TRIM37: variants seen among roughly 807,000 people sequenced by gnomAD.
The protein encoded by TRIM37 is E3 ubiquitin-protein ligase TRIM37.
A neutral mutation model predicts 129.8 loss-of-function variants in TRIM37; 80 were observed. That is an observed-to-expected ratio of 0.62 (90% CI 0.51 to 0.74). The LOEUF (loss-of-function observed/expected upper bound fraction) is 0.74. Ranked by LOEUF, TRIM37 falls within the 30% of genes least tolerant of loss-of-function variation. The pLI is 0.00. For synonymous variants in TRIM37, 389 were observed against 387.1 expected (o/e 1.00, Z -0.06); for missense variants, 1,054 against 1,176.5 (o/e 0.90, Z 1.52).
intron 2 of TRIM37, 118 bp from the exon 3 acceptor site, chr17:59,091,458 A>C (rs893843441): frequency 5.4e-6 from 1 of 185,170 alleles, no homozygotes; most frequent in Admixed American, 7.4e-5. Context: ...ATAATATATA[A>C]ATATATAATA....
At chr17:58,997,765 GA>G (rs750425245), downstream of TRIM37, among the ~76,000 whole-genome samples, 4 of 152,188 alleles carry the variant, frequency 2.6e-5, no homozygotes, top group Non-Finnish European at 5.9e-5. Flanking sequence ...TCAGGGTACA[GA>G]AAGAGCAAGA....
In TRIM37 at chr17:58,999,023, G is replaced by A. The variant is rs1208585207; in HGVS notation, c.*354C>T. ...AGACAGTAGAGCACCAATGCCGGGCGGGTTACTGACGGCATGCAGGGCCTG... is the reference window on the plus strand; with the variant it reads ...AGACAGTAGAGCACCAATGCCGGGCAGGTTACTGACGGCATGCAGGGCCTG... On this transcript the variant is annotated 3_prime_UTR_variant, in exon 24 of 24. Transcript: ENST00000262294. The A allele has an allele frequency of 1.4e-5, 16 of 1,122,548 alleles. No individual in the cohort carries two copies. Among genetic ancestry groups the A allele is most frequent in the Non-Finnish European group, 1.8e-5 (16 of 911,718 alleles). 69.5% of individuals were successfully genotyped at this position (1,122,548 alleles called of 1,614,324 possible).
intron 2 of TRIM37, among the ~76,000 whole-genome samples, chr17:59,096,961 A>C (rs1468697414): frequency 6.6e-6 from 1 of 152,200 alleles, no homozygotes; most frequent in African/African-American, 2.4e-5. Context: ...CTAGAATAGA[A>C]AGATGATTCA....
chr17:59,048,875 G>A (rs1364922411), intron 15 of TRIM37, among the ~76,000 whole-genome samples: 1 of 152,226 alleles, frequency 6.6e-6, no homozygotes, highest in Non-Finnish European at 1.5e-5. Context: ...GGGATTACAG[G>A]TGTGAGCCAC....
chr17:59,105,480 T>C (rs2045912867), intron 1 of TRIM37, among the ~76,000 whole-genome samples: 1 of 152,218 alleles, frequency 6.6e-6, no homozygotes, highest in African/African-American at 2.4e-5. Flanking sequence ...GAAAAGTTTT[T>C]AACAAGAAAA....
the TRIM37 span, among the ~76,000 whole-genome samples, chr17:58,977,368 G>A: frequency 4.5e-4 from 69 of 151,728 alleles, no homozygotes; most frequent in Admixed American, 1.5e-3. Context: ...GCTTGAATCC[G>A]GGAGGTGGAG....
chr17:59,001,763 T>C, intron 22 of TRIM37, 49 bp from the exon 23 acceptor site: 3 of 1,608,156 alleles, frequency 1.9e-6, no homozygotes, highest in Non-Finnish European at 2.5e-6. Context: ...CCACTGTAAG[T>C]AAAAGGAAAC....
intron 22 of TRIM37, among the ~76,000 whole-genome samples, chr17:59,003,166 C>G (rs2034003803): frequency 6.6e-6 from 1 of 152,208 alleles, no homozygotes; most frequent in South Asian, 2.1e-4. Flanking sequence ...CATGAGCCAC[C>G]ATGCCTGGCC....
At chr17:59,094,304 G>A (rs2147383898) in intron 2 of TRIM37, among the ~76,000 whole-genome samples, 1 of 152,196 alleles carries the variant, frequency 6.6e-6, no homozygotes, top group Admixed American at 6.5e-5. Flanking sequence ...CAATATTAAT[G>A]CATAATATTA....
In TRIM37 at chr17:59,031,747, G is replaced by C. The variant is rs1416863063; in HGVS notation, c.1948+149C>G. On this transcript the variant is annotated intron_variant, in intron 18 of 23. Coordinates refer to ENST00000262294, the MANE Select transcript of TRIM37 (RefSeq NM_015294.6). ...TGAACGGTAATTTAAAAACTAATTT[G>C]GTTGACATAAATGTCATTTTTATGG... 14 of 798,866 alleles carry C rather than the reference G, an allele frequency of 1.8e-5. 1 individual carries two copies. In the East Asian group the frequency reaches 3.5e-4, roughly 20 times the overall value. 49.5% of individuals were successfully genotyped at this position (798,866 alleles called of 1,614,324 possible).
chr17:59,057,091 T>C, intron 12 of TRIM37, 37 bp from the exon 13 acceptor site: 1 of 1,591,424 alleles, frequency 6.3e-7, no homozygotes, highest in Non-Finnish European at 8.6e-7. Context: ...ATACAGTTAG[T>C]AAAGTAAGAA....
chr17:59,044,945 A>G (rs904795986), intron 16 of TRIM37, among the ~76,000 whole-genome samples: 2 of 152,088 alleles, frequency 1.3e-5, no homozygotes, highest in African/African-American at 4.8e-5. Context: ...AGGCAGGTGG[A>G]TCACTTGAGG....
At chr17:59,009,852 A>G (rs2035037791) in intron 22 of TRIM37, among the ~76,000 whole-genome samples, 1 of 152,256 alleles carries the variant, frequency 6.6e-6, no homozygotes, top group Admixed American at 6.5e-5. Flanking sequence ...ACTACCATGT[A>G]GAGTTATTCT....
At chr17:59,079,646 C>CT in intron 7 of TRIM37, 108 bp downstream of exon 7, 1 of 1,436,248 alleles carries the variant, frequency 7.0e-7, no homozygotes, top group South Asian at 1.2e-5. Flanking sequence ...ATGGAGTTGC[C>CT]TAAAATCTCA....
In TRIM37 at chr17:59,055,228, C is replaced by T. The variant is rs551335307; in HGVS notation, c.1199+1647G>A. 6.1e-5 allele frequency among the ~76,000 whole-genome samples: 9 copies of T among 148,328 alleles called. No homozygotes were observed. In the South Asian group the frequency reaches 1.3e-3, roughly 21 times the overall value. ...GCGCGTGCCTGCAATCCCATCTACT[C>T]GGGAGGCTGAGGCAGGAGAATCGCT... On this transcript the variant is annotated intron_variant, in intron 13 of 23. Coordinates refer to ENST00000262294, the MANE Select transcript of TRIM37 (RefSeq NM_015294.6).
rs2040982818 is a variant in TRIM37, at chr17:59,056,869, T to G, written c.1199+6A>C. 13 of 1,613,568 alleles carry G rather than the reference T, an allele frequency of 8.1e-6. No individual in the cohort carries two copies. Among genetic ancestry groups the G allele is most frequent in the African/African-American group, 1.3e-5 (1 of 75,040 alleles). On this transcript the variant is annotated splice_donor_region_variant and intron_variant, in intron 13 of 23. Coordinates refer to ENST00000262294, the MANE Select transcript of TRIM37 (RefSeq NM_015294.6). ...AAAAACCACAACATCAAATTTTTCCTGTTACCTTAAAATCACTGTATCATT... is the reference window on the plus strand; with the variant it reads ...AAAAACCACAACATCAAATTTTTCCGGTTACCTTAAAATCACTGTATCATT...
chr17:59,081,243 G>T, intron 5 of TRIM37, 24 bp from the exon 6 acceptor site: 1 of 1,608,048 alleles, frequency 6.2e-7, no homozygotes, highest in South Asian at 1.1e-5. Context: ...AGTAGCTTTA[G>T]AACACTTTCA....
At chr17:58,967,785 T>G in the TRIM37 span, among the ~76,000 whole-genome samples, 2 of 151,752 alleles carry the variant, frequency 1.3e-5, no homozygotes, top group African/African-American at 4.8e-5. Flanking sequence ...AAATTCTACC[T>G]GTCAGCATTC....
intron 19 of TRIM37, among the ~76,000 whole-genome samples, chr17:59,020,039 T>C (rs1244730337): frequency 6.6e-6 from 1 of 151,832 alleles, no homozygotes; most frequent in African/African-American, 2.4e-5. Context: ...GAGACCAGCC[T>C]GGCCAGCATG....
Sources: allele counts gnomAD v4.1 joint callset (sites outside exome capture counted in the v4.1 genomes callset), GRCh38; gene constraint gnomAD v4.1.1; transcripts MANE v1.5; gene names NCBI Gene and HGNC (gene_info 2026-07-23, HGNC 2026-07-21).